Variants in ABI3BP observed in about 807,000 individuals in gnomAD.
ABI3BP encodes ABI family member 3 binding protein.
Under a neutral mutation model 268.6 loss-of-function variants are expected in ABI3BP, and 216 were observed. The observed-to-expected ratio is 0.80, with a 90% CI of 0.72 to 0.90. ABI3BP has a LOEUF of 0.90. Among genes scored for constraint, ABI3BP ranks in the 40% least tolerant of loss-of-function variants. ABI3BP has a pLI of 0.00. For missense variants in ABI3BP, 2,090 were observed against 2,182.4 expected (o/e 0.96, Z 0.84); for synonymous variants, 730 against 730.0 (o/e 1.00, Z 0.00).
At position 100,750,555 on chromosome 3, in the gene ABI3BP, G is replaced by C; in HGVS notation, c.5301C>G (p.His1767Gln). The change falls in exon 68 of 68, where the codon CAC becomes CAG. Residue 1767 changes from histidine to glutamine, a missense_variant. His to Gln is a conservative substitution (Grantham distance 24, BLOSUM62 0). Transcript: ENST00000471714. ...ACCACTGAACATAATTGATTTGGGTGTGACCACCTATTTCTCCAAATTGGA... is the reference window on the plus strand; with the variant it reads ...ACCACTGAACATAATTGATTTGGGTCTGACCACCTATTTCTCCAAATTGGA... ...EPVQFGEIGG[H>Q]TQINYVQWYE... The C allele has an allele frequency of 6.2e-7, 1 of 1,613,256 alleles. No individual in the cohort carries two copies. The highest frequency in any genetic ancestry group is 8.5e-7 in the Non-Finnish European group (1 of 1,179,470).
chr3:100,976,995 A>AT (rs1279937622), intron 1 of ABI3BP, among the ~76,000 whole-genome samples: 1 of 152,182 alleles, frequency 6.6e-6, no homozygotes, highest in Non-Finnish European at 1.5e-5. Flanking sequence ...TTTTCTATGA[A>AT]TTTTTTTAAA....
chr3:100,875,584 T>G lies in ABI3BP; in HGVS notation c.746-5A>C, dbSNP rs2099153626. On this transcript the variant is annotated splice_polypyrimidine_tract_variant and splice_region_variant and intron_variant, in intron 7 of 67. Coordinates refer to ENST00000471714, the MANE Select transcript of ABI3BP (RefSeq NM_001375547.2). ...TGTGAGTAACATTCTGAATCACTGTTGAAATACAAAAAGACAGTGTGAGGG... is the reference window on the plus strand; with the variant it reads ...TGTGAGTAACATTCTGAATCACTGTGGAAATACAAAAAGACAGTGTGAGGG... The G allele has an allele frequency of 6.2e-7, 1 of 1,609,350 alleles. No individual in the cohort carries two copies. Among genetic ancestry groups the G allele is most frequent in the Non-Finnish European group, 8.5e-7 (1 of 1,175,790 alleles).
chr3:100,793,575 C>T (rs978401968), intron 54 of ABI3BP, among the ~76,000 whole-genome samples: 4 of 151,976 alleles, frequency 2.6e-5, no homozygotes, highest in Admixed American at 6.6e-5. Context: ...TTGAAAAGTA[C>T]TTTTAACTTT....
At chr3:100,820,368 T>C in intron 39 of ABI3BP, 65 bp from the exon 40 acceptor site, 1 of 1,291,322 alleles carries the variant, frequency 7.7e-7, no homozygotes. Flanking sequence ...TAGCATGACA[T>C]ACGGTTTGAG....
intron 57 of ABI3BP, among the ~76,000 whole-genome samples, chr3:100,786,465 C>T (rs1381407362): frequency 6.6e-6 from 1 of 151,886 alleles, no homozygotes; most frequent in African/African-American, 2.4e-5. Flanking sequence ...GGTTTGTTTC[C>T]CTGAGAGATA....
rs778899446 is a variant in ABI3BP at position 100,822,576 on chromosome 3, A to G, written c.2887+13T>C. The G allele has an allele frequency of 1.5e-5, 23 of 1,535,632 alleles. No homozygotes were observed. The South Asian group carries it at 2.7e-4, about 18-fold the overall frequency. The stretch of plus-strand genomic sequence containing the variant: ...GCTGCAGGGACTCTTTAAACCAGGA[A>G]CACATAGTTTACCTGGTTTGGATTC... On this transcript the variant is annotated intron_variant, in intron 38 of 67. Transcript: ENST00000471714.
rs769571286 is a variant in ABI3BP, at chr3:100,902,634, T to C, written c.312A>G (p.Gln104=). The C allele has an allele frequency of 3.7e-6, 6 of 1,613,944 alleles. No individual in the cohort carries two copies. Among genetic ancestry groups the C allele is most frequent in the Non-Finnish European group, 4.2e-6 (5 of 1,179,848 alleles). The change falls in exon 3 of 68, where the codon CAA becomes CAG. Residue 104 remains glutamine, a synonymous_variant. Coordinates refer to ENST00000471714, the MANE Select transcript of ABI3BP (RefSeq NM_001375547.2). ...GGACTATACCTGAACATGACTTCTT[T>C]TGACTTGGAGGTGGAGCAGGTCGCA... The part of the protein sequence containing the change: ...IVVRPAPPPS[Q]KKSCSGKTRS...
chr3:100,816,886 A>G (rs2098068566), intron 42 of ABI3BP, 118 bp from the exon 43 acceptor site: 2 of 679,694 alleles, frequency 2.9e-6, no homozygotes, highest in African/African-American at 1.8e-5. Context: ...TAAGATTAAA[A>G]TATTTTCTAT....
chr3:100,791,733 A>G (rs542170462), intron 55 of ABI3BP, among the ~76,000 whole-genome samples: 1 of 151,902 alleles, frequency 6.6e-6, no homozygotes, highest in Admixed American at 6.6e-5. Context: ...AACCAAACAA[A>G]CAATAAAAAA....
chr3:100,883,097 T>C (rs2040226721), intron 6 of ABI3BP, among the ~76,000 whole-genome samples: 1 of 152,046 alleles, frequency 6.6e-6, no homozygotes, highest in East Asian at 1.9e-4. Flanking sequence ...ACTAAGCCAA[T>C]TGGTTATTTG....
chr3:100,959,489 C>CAAAAAAA (rs35465693), intron 1 of ABI3BP, among the ~76,000 whole-genome samples: 126 of 35,266 alleles, frequency 3.6e-3, no homozygotes, highest in East Asian at 5.9e-3. Context: ...GACTCCGTCT[C>CAAAAAAA]AAAAAAAAAA....
intron 24 of ABI3BP, among the ~76,000 whole-genome samples, chr3:100,839,007 A>G (rs922286904): frequency 5.3e-5 from 8 of 152,238 alleles, no homozygotes; most frequent in African/African-American, 1.9e-4. Flanking sequence ...CCAGTTTGGG[A>G]CTTTTAATGC....
At chr3:100,833,665 A>G (rs899870002) in intron 29 of ABI3BP, among the ~76,000 whole-genome samples, 1 of 152,196 alleles carries the variant, frequency 6.6e-6, no homozygotes, top group African/African-American at 2.4e-5. Flanking sequence ...CCAGATATAG[A>G]GGGTCATTCA....
chr3:100,759,726 T>C (rs1226474461), intron 63 of ABI3BP, among the ~76,000 whole-genome samples: 1 of 152,198 alleles, frequency 6.6e-6, no homozygotes, highest in East Asian at 1.9e-4. Flanking sequence ...TATGTACTTT[T>C]AGGTAGCTGT....
rs1184278442 is a variant in ABI3BP, at chr3:100,754,518, C to T, written c.4930+94G>A. On this transcript the variant is annotated intron_variant, in intron 64 of 67. Coordinates refer to ENST00000471714, the MANE Select transcript of ABI3BP (RefSeq NM_001375547.2). ...GTTTTTAGAAATTCAAGAAACAGTA[C>T]ATGTAGTGGGTTTCAAACAAACTTC... 9.9e-6 allele frequency: 12 copies of T among 1,215,564 alleles called. No homozygotes were observed. The East Asian group carries it at 2.8e-4, about 28-fold the overall frequency. 75.3% of individuals were successfully genotyped at this position (1,215,564 alleles called of 1,614,324 possible). A position where few individuals can be genotyped will look rare whatever the true frequency, so the allele number is the denominator to read the frequency against.
At chr3:100,757,726 CAT>C (rs989057774) in intron 63 of ABI3BP, among the ~76,000 whole-genome samples, 2 of 152,172 alleles carry the variant, frequency 1.3e-5, no homozygotes, top group Admixed American at 6.5e-5. Flanking sequence ...CCATTAAAAA[CAT>C]ACAACAAATA....
At chr3:100,820,891 A>G (rs1356140503) in intron 39 of ABI3BP, among the ~76,000 whole-genome samples, 163 bp downstream of exon 39, 1 of 152,224 alleles carries the variant, frequency 6.6e-6, no homozygotes, top group Non-Finnish European at 1.5e-5. Flanking sequence ...AGGGTGATTT[A>G]AGAGTCAGAA....
intron 63 of ABI3BP, among the ~76,000 whole-genome samples, chr3:100,762,240 C>T (rs1029275993): frequency 6.6e-6 from 1 of 152,068 alleles, no homozygotes; most frequent in African/African-American, 2.4e-5. Flanking sequence ...AGAAACCTTG[C>T]CTTAACAACT....
rs763687538 is a variant in ABI3BP, at chr3:100,840,099, T to A, written c.1870A>T (p.Ser624Cys). 6.1e-6 allele frequency: 9 copies of A among 1,480,276 alleles called. No homozygotes were observed. In the South Asian group the frequency reaches 1.1e-4, roughly 18 times the overall value. 91.7% of individuals were successfully genotyped at this position (1,480,276 alleles called of 1,614,324 possible). A position where few individuals can be genotyped will look rare whatever the true frequency, so the allele number is the denominator to read the frequency against. ...RPRPRPKTTPSPEVPKSKPAL... is the reference protein window; with the variant it reads ...RPRPRPKTTPCPEVPKSKPAL... The stretch of plus-strand genomic sequence containing the variant: ...GGTTTGGACTTGGGCACTTCTGGAC[T>A]AGGTGTGGTTTTAGGGCGGGGACGG... Residue 624 changes from serine (S) to cysteine (C), a missense_variant, in exon 23 of 68, where the codon AGT (serine) becomes TGT (cysteine). By Grantham distance (112) the Ser-to-Cys change is moderately radical. Coordinates refer to ENST00000471714, the MANE Select transcript of ABI3BP (RefSeq NM_001375547.2).
Sources: allele counts gnomAD v4.1 joint callset (sites outside exome capture counted in the v4.1 genomes callset), GRCh38; gene constraint gnomAD v4.1.1; transcripts MANE v1.5; gene names NCBI Gene and HGNC (gene_info 2026-07-23, HGNC 2026-07-21).